Variants in MYCBP2 observed in about 807,000 individuals in gnomAD.
MYCBP2 encodes the protein E3 ubiquitin-protein ligase MYCBP2.
A neutral mutation model predicts 525.3 loss-of-function variants in MYCBP2; 120 were observed. The observed-to-expected ratio is 0.23, with a 90% CI of 0.20 to 0.27. The LOEUF (loss-of-function observed/expected upper bound fraction) is 0.27, where lower values mean the gene tolerates loss of function less well. Among genes scored for constraint, MYCBP2 ranks in the 10% least tolerant of loss-of-function variants. The pLI is 1.00. For synonymous variants in MYCBP2, 1,894 were observed against 1,955.8 expected (o/e 0.97, Z 0.83); for missense variants, 4,149 against 5,657.1 (o/e 0.73, Z 8.55).
At chr13:77,156,237 A>C (rs752417906) in intron 45 of MYCBP2, 35 bp from the exon 46 acceptor site, 5 of 1,583,622 alleles carry the variant, frequency 3.2e-6, no homozygotes, top group Non-Finnish European at 4.3e-6. Flanking sequence ...ACAAAACCCC[A>C]AACACTGATC....
chr13:77,087,443 T>C, intron 62 of MYCBP2, 41 bp downstream of exon 62: 1 of 1,518,936 alleles, frequency 6.6e-7, no homozygotes, highest in Non-Finnish European at 9.0e-7. Flanking sequence ...ACTACCAGTT[T>C]CTATAAAAAT....
At chr13:77,137,598 G>GT (rs370702547) in intron 52 of MYCBP2, among the ~76,000 whole-genome samples, 179 of 151,622 alleles carry the variant, frequency 1.2e-3, no homozygotes, top group African/African-American at 4.0e-3. Flanking sequence ...ATATTTTTGT[G>GT]TTTTTTTTGA....
chr13:77,294,129 T>TATATATATATATATATATATATATAA (rs1450128273), intron 2 of MYCBP2, among the ~76,000 whole-genome samples: 1 of 26,132 alleles, frequency 3.8e-5, no homozygotes, highest in African/African-American at 8.3e-5. Flanking sequence ...TATATATATA[T>TATATATATATATATATATATATATAA]ACATATATAT....
In MYCBP2 at chr13:77,119,385, A is replaced by G. The variant is rs190842560; in HGVS notation, c.8140+1988T>C. Among the ~76,000 whole-genome samples the G allele has an allele frequency of 2.0e-4, 30 of 152,298 alleles. 1 individual carries two copies. The highest frequency in any genetic ancestry group is 1.7e-3 in the Admixed American group (26 of 15,298). On this transcript the variant is annotated intron_variant, in intron 55 of 82. Transcript: ENST00000544440. ...TTTCTGAAATATAATAAAGTTTCAT[A>G]TGTGAAAATTTCAACTGAAGTACCT...
intron 37 of MYCBP2, among the ~76,000 whole-genome samples, chr13:77,172,800 T>A (rs765233456): frequency 3.9e-5 from 6 of 152,130 alleles, no homozygotes; most frequent in Non-Finnish European, 7.4e-5. Context: ...ATAACGAACA[T>A]CCTTAAAGAG....
intron 8 of MYCBP2, among the ~76,000 whole-genome samples, chr13:77,267,424 T>TAAATA (rs1377348252): frequency 3.4e-5 from 5 of 147,352 alleles, no homozygotes; most frequent in African/African-American, 1.2e-4. Context: ...TAAATTAAAT[T>TAAATA]AAATAAAATT....
rs56274460 is a variant in MYCBP2 at position 77,061,586 on chromosome 13, T to C, written c.12903+76A>G. 0.022 allele frequency: 32,823 copies of C among 1,526,544 alleles called. 499 individuals carry two copies. The highest frequency in any genetic ancestry group is 0.052 in the Middle Eastern group (224 of 4,296). 94.6% of individuals were successfully genotyped at this position (1,526,544 alleles called of 1,614,324 possible). ...TCCAAAGTCCACTTTTTCCCCCTAC[T>C]ACACAAAGCCTCTTTCACACATTTA... is the stretch of plus-strand genomic sequence containing the variant. On this transcript the variant is annotated intron_variant, in intron 75 of 82. Coordinates refer to ENST00000544440, the MANE Select transcript of MYCBP2 (RefSeq NM_015057.5).
chr13:77,105,258 T>C (rs909966088), intron 55 of MYCBP2, among the ~76,000 whole-genome samples: 13 of 152,044 alleles, frequency 8.6e-5, no homozygotes, highest in Non-Finnish European at 1.5e-4. Flanking sequence ...TGAAAAACTA[T>C]GAGGAAACTT....
chr13:77,194,282 G>A, intron 26 of MYCBP2, 38 bp from the exon 27 acceptor site: 2 of 1,419,638 alleles, frequency 1.4e-6, no homozygotes, highest in Non-Finnish European at 2.0e-6. Flanking sequence ...ATATAAATCA[G>A]CTATACATAT....
chr13:77,278,613 AATT>A (rs1486610034), intron 4 of MYCBP2, 142 bp downstream of exon 4: 1 of 569,550 alleles, frequency 1.8e-6, no homozygotes, highest in African/African-American at 1.9e-5. Context: ...AATGTGGACT[AATT>A]AACATCTATC....
chr13:77,294,413 T>A (rs898333764), intron 2 of MYCBP2, among the ~76,000 whole-genome samples: 2 of 151,912 alleles, frequency 1.3e-5, no homozygotes, highest in Admixed American at 1.3e-4. Flanking sequence ...TGAATGAACT[T>A]ACTTACATCA....
At chr13:77,083,321 C>G (rs2043625196) in intron 62 of MYCBP2, 129 bp from the exon 63 acceptor site, 1 of 746,304 alleles carries the variant, frequency 1.3e-6, no homozygotes, top group African/African-American at 1.8e-5. Context: ...AAATTGTACC[C>G]AGAAAGATAC....
At chr13:77,084,548 G>C (rs562498158) in intron 62 of MYCBP2, among the ~76,000 whole-genome samples, 1 of 152,156 alleles carries the variant, frequency 6.6e-6, no homozygotes, top group African/African-American at 2.4e-5. Flanking sequence ...TGTTAGACTG[G>C]GGTTATTTCA....
At chr13:77,251,417 A>T in intron 14 of MYCBP2, 62 bp from the exon 15 acceptor site, 1 of 1,373,206 alleles carries the variant, frequency 7.3e-7, no homozygotes, top group South Asian at 1.2e-5. Flanking sequence ...AAGATGGATG[A>T]CTATATTTCC....
chr13:77,110,991 C>T (rs1470289040), intron 55 of MYCBP2, among the ~76,000 whole-genome samples: 1 of 152,060 alleles, frequency 6.6e-6, no homozygotes, highest in Non-Finnish European at 1.5e-5. Flanking sequence ...GGAGGAAAGA[C>T]AATCTGATGA....
chr13:77,279,509 T>A (rs2075972377), intron 3 of MYCBP2, among the ~76,000 whole-genome samples: 1 of 152,174 alleles, frequency 6.6e-6, no homozygotes, highest in Non-Finnish European at 1.5e-5. Context: ...ATAAGACTGA[T>A]AAAACAAAAG....
intron 55 of MYCBP2, among the ~76,000 whole-genome samples, chr13:77,101,988 T>G (rs2047140101): frequency 6.6e-6 from 1 of 151,980 alleles, no homozygotes; most frequent in South Asian, 2.1e-4. Flanking sequence ...TACTTTTACA[T>G]TTAAATGATA....
At position 77,224,457 on chromosome 13, in the gene MYCBP2, T is replaced by G. The variant is rs772727622; in HGVS notation, c.2933A>C (p.Asn978Thr). The change falls in exon 20 of 83, where the codon AAC becomes ACC. Residue 978 changes from asparagine to threonine, a missense_variant. By Grantham distance (65) the Asn-to-Thr change is moderately conservative (BLOSUM62 0). Transcript: ENST00000544440. ...ATGAAAAGTTAGCAAGTACCTGGAG[T>G]TGACATCTCCATGTCCTAGCTGCCC... is the stretch of plus-strand genomic sequence containing the variant. ...QHGQLGHGDV[N>T]SRGCPTLVQA... 1 of 1,598,048 alleles carries G rather than the reference T, an allele frequency of 6.3e-7. No individual in the cohort carries two copies. Among genetic ancestry groups the G allele is most frequent in the African/African-American group, 1.3e-5 (1 of 74,520 alleles).
At position 77,270,406 on chromosome 13, in the gene MYCBP2, A is replaced by G. The variant is rs752397265; in HGVS notation, c.1078T>C (p.Ser360Pro). 15 of 1,613,732 alleles carry G rather than the reference A, an allele frequency of 9.3e-6. No individual in the cohort carries two copies. In the South Asian group the frequency reaches 1.6e-4, roughly 18 times the overall value. ...LMHKWPLKEI[S>P]VDEDDQCLLQ... ...AGACATTGGTCATCTTCATCAACAG[A>G]TATTTCTTTTAATGGCCACTTGTGC... Residue 360 changes from serine to proline, a missense_variant, in exon 6 of 83, where the codon TCT becomes CCT. Around this residue, in one of 21 missense-constraint regions of MYCBP2, gnomAD observed 413 missense variants for 451.2 expected, o/e 0.92. Transcript: ENST00000544440.
Sources: allele counts gnomAD v4.1 joint callset (sites outside exome capture counted in the v4.1 genomes callset), GRCh38; gene constraint gnomAD v4.1.1; regional missense constraint gnomAD v4.1.1; transcripts MANE v1.5; gene names NCBI Gene and HGNC (gene_info 2026-07-23, HGNC 2026-07-21).